The following PRKN variants were observed in gnomAD, a reference collection of about 807,000 sequenced individuals.
PRKN encodes the protein parkin RBR E3 ubiquitin protein ligase, also known as E3 ubiquitin-protein ligase parkin.
PRKN carries 56 observed loss-of-function variants against 59.5 expected under a neutral mutation model. The observed-to-expected ratio is 0.94, with a 90% CI of 0.76 to 1.18. The LOEUF is 1.18. Among genes scored for constraint, PRKN ranks in the 50% most tolerant of loss-of-function variants. PRKN has a pLI of 0.00. For missense variants in PRKN, 657 were observed against 596.4 expected, an observed-to-expected ratio of 1.10 and a Z score of -1.06; for synonymous variants, 250 against 222.1, an observed-to-expected ratio of 1.13 and a Z score of -1.12.
At chr6:161,864,457 C>G (rs1379217922) in intron 6 of PRKN, among the ~76,000 whole-genome samples, 2 of 152,146 alleles carry the variant, frequency 1.3e-5, no homozygotes, top group African/African-American at 4.8e-5. Flanking sequence ...TTGCTATTTC[C>G]ACCATATCTG....
chr6:161,537,697 C>T lies in PRKN; in HGVS notation c.1083+11157G>A, dbSNP rs541942664. On this transcript the variant is annotated intron_variant, in intron 9 of 11. Coordinates refer to ENST00000366898, the MANE Select transcript of PRKN (RefSeq NM_004562.3). The stretch of plus-strand genomic sequence containing the variant: ...CGATCTCCTGACCTCGTGATCCGCC[C>T]GCCTTAGCCTCCCAAAGTGCTGGGA... Among the ~76,000 whole-genome samples, 266 of 152,260 alleles carry T rather than the reference C, an allele frequency of 1.7e-3. 5 individuals are homozygous for T. In the South Asian group the frequency reaches 0.024, roughly 14 times the overall value.
chr6:162,123,987 T>A (rs1295598557), intron 4 of PRKN, among the ~76,000 whole-genome samples: 1 of 151,996 alleles, frequency 6.6e-6, no homozygotes, highest in Non-Finnish European at 1.5e-5. Flanking sequence ...TCCTGTTGAG[T>A]TGATTGCCCT....
intron 6 of PRKN, among the ~76,000 whole-genome samples, chr6:161,902,785 GTCC>G (rs916816426): frequency 7.9e-5 from 12 of 152,016 alleles, no homozygotes; most frequent in African/African-American, 2.9e-4. Context: ...TCAAACTCCT[GTCC>G]TCAAGTGATC....
chr6:161,720,466 C>T (rs1425451444), intron 7 of PRKN, among the ~76,000 whole-genome samples: 2 of 152,078 alleles, frequency 1.3e-5, no homozygotes, highest in Non-Finnish European at 1.5e-5. Context: ...CATCTGGAGG[C>T]ACCGCAAACT....
At chr6:161,801,341 G>A (rs1227665804) in intron 6 of PRKN, among the ~76,000 whole-genome samples, 7 of 152,208 alleles carry the variant, frequency 4.6e-5, no homozygotes, top group South Asian at 4.1e-4. Flanking sequence ...ATGTCCCAGC[G>A]AAGATGTGCA....
intron 4 of PRKN, among the ~76,000 whole-genome samples, chr6:162,104,417 G>C (rs1392700826): frequency 1.3e-5 from 2 of 152,084 alleles, no homozygotes; most frequent in African/African-American, 2.4e-5. Context: ...TAATAAACAA[G>C]CAGGAATCAT....
chr6:161,533,446 A>G lies in PRKN; in HGVS notation c.1083+15408T>C, dbSNP rs182078035. ...TGCTGGCAGTTGTGCCCGTAGGAAT[A>G]TACTACCTGGGACTAGCCATGTTCA... On this transcript the variant is annotated intron_variant, in intron 9 of 11. Coordinates refer to ENST00000366898, the MANE Select transcript of PRKN (RefSeq NM_004562.3). The surrounding 1 kb of genome is among the most constrained non-coding windows in gnomAD (Gnocchi z 4.1). 2.2e-3 allele frequency among the ~76,000 whole-genome samples: 335 copies of G among 152,258 alleles called. 3 individuals carry two copies. The highest frequency in any genetic ancestry group is 7.8e-3 in the African/African-American group (322 of 41,536).
Position 161,861,450 on chromosome 6 carries a change from A to G in PRKN, c.735-75542T>C, listed in dbSNP as rs189528373. Among the ~76,000 whole-genome samples, 611 of 152,264 alleles carry G rather than the reference A, an allele frequency of 4.0e-3. 3 individuals carry two copies. The highest frequency in any genetic ancestry group is 0.014 in the African/African-American group (573 of 41,564). On this transcript the variant is annotated intron_variant, in intron 6 of 11. Coordinates refer to ENST00000366898, the MANE Select transcript of PRKN (RefSeq NM_004562.3). ...GGCAATGGGGGGTAAAGGCAGGGAGAGCATTAGAACAAATACGTAATGCAT... is the reference window on the plus strand; with the variant it reads ...GGCAATGGGGGGTAAAGGCAGGGAGGGCATTAGAACAAATACGTAATGCAT...
At chr6:162,108,896 G>A (rs1331675147) in intron 4 of PRKN, among the ~76,000 whole-genome samples, 1 of 152,198 alleles carries the variant, frequency 6.6e-6, no homozygotes, top group African/African-American at 2.4e-5. Flanking sequence ...TCTTGACTTT[G>A]CCCAGGAAGG....
chr6:162,455,799 A>G (rs1583601801), intron 1 of PRKN, among the ~76,000 whole-genome samples: 1 of 152,274 alleles, frequency 6.6e-6, no homozygotes, highest in Admixed American at 6.5e-5. Context: ...TAAATATTGT[A>G]TTGACAAAAG....
chr6:161,814,377 T>C (rs1238939396), intron 6 of PRKN, among the ~76,000 whole-genome samples: 2 of 152,234 alleles, frequency 1.3e-5, no homozygotes, highest in South Asian at 2.1e-4. Context: ...TCCATTCTCA[T>C]GTTGCTAATA....
intron 9 of PRKN, among the ~76,000 whole-genome samples, chr6:161,433,726 T>C (rs1788753523): frequency 6.6e-6 from 1 of 152,020 alleles, no homozygotes; most frequent in Admixed American, 6.6e-5. Flanking sequence ...AAAATATTTG[T>C]CAGTATTAGG....
At chr6:162,588,471 A>T (rs1245739569) in intron 1 of PRKN, among the ~76,000 whole-genome samples, 7 of 152,086 alleles carry the variant, frequency 4.6e-5, no homozygotes, top group South Asian at 2.1e-4. Flanking sequence ...ACTTCATAAC[A>T]CTGTCCAGCC....
chr6:161,989,668 T>C (rs1326103918), intron 5 of PRKN, among the ~76,000 whole-genome samples: 2 of 152,162 alleles, frequency 1.3e-5, no homozygotes, highest in Non-Finnish European at 2.9e-5. Context: ...CACCTGATGC[T>C]ACCACTGACA....
At chr6:162,166,762 A>G (rs1783006427) in intron 4 of PRKN, among the ~76,000 whole-genome samples, 1 of 152,210 alleles carries the variant, frequency 6.6e-6, no homozygotes, top group African/African-American at 2.4e-5. Context: ...ACCCAACAGC[A>G]TGAAGAGATT....
At chr6:161,501,899 A>G (rs1177246765) in intron 9 of PRKN, among the ~76,000 whole-genome samples, 1 of 152,190 alleles carries the variant, frequency 6.6e-6, no homozygotes, top group Non-Finnish European at 1.5e-5. Context: ...TGTAACACCA[A>G]GATATGAAGA....
At chr6:162,046,624 A>G (rs979325934) in intron 5 of PRKN, among the ~76,000 whole-genome samples, 32 of 152,206 alleles carry the variant, frequency 2.1e-4, no homozygotes, top group Non-Finnish European at 1.5e-5. Context: ...TTTTTCATGT[A>G]GCAGTTTACA....
intron 1 of PRKN, among the ~76,000 whole-genome samples, chr6:162,492,176 A>G (rs1792846811): frequency 6.6e-6 from 1 of 152,238 alleles, no homozygotes; most frequent in African/African-American, 2.4e-5. Flanking sequence ...TAAAAGCCAG[A>G]TGCCTAAATG....
chr6:161,669,548 AT>A lies in PRKN; in HGVS notation c.872-100133del, dbSNP rs1784836918. 2.0e-5 allele frequency among the ~76,000 whole-genome samples: 3 copies of A among 152,342 alleles called. No homozygotes were observed. The South Asian group carries it at 6.2e-4, about 32-fold the overall frequency. On this transcript the variant is annotated intron_variant, in intron 7 of 11. Transcript: ENST00000366898. The stretch of plus-strand genomic sequence containing the variant: ...GATGTTCCAATGTAATGGAAGCAAA[AT>A]TCACTAAGGATTGTTCTTCAAGGGT...
Sources: gnomAD v4.1 joint callset for allele counts (sites outside exome capture counted in the v4.1 genomes callset) on GRCh38, gnomAD v4.1.1 for gene constraint, Gnocchi (gnomAD v3.1) non-coding constraint, MANE v1.5 for transcripts, NCBI Gene and HGNC (gene_info 2026-07-23, HGNC 2026-07-21) for gene names.